Variants in DAW1 observed in about 807,000 individuals in gnomAD.
DAW1 encodes dynein assembly factor with WD repeat domains 1.
In DAW1, 47 loss-of-function variants were observed where a neutral mutation model predicts 56.5. That is an observed-to-expected ratio of 0.83 (90% CI 0.66 to 1.06). The LOEUF is 1.06. Among genes scored for constraint, DAW1 ranks in the 50% least tolerant of loss-of-function variants. The pLI, the probability that DAW1 is intolerant of heterozygous loss-of-function variation, is 0.00. For synonymous variants in DAW1, 190 were observed against 179.0 expected (o/e 1.06, Z -0.49); for missense variants, 505 against 499.3 (o/e 1.01, Z -0.11).
intron 10 of DAW1, among the ~76,000 whole-genome samples, chr2:227,913,580 A>T (rs965211412): frequency 1.3e-5 from 2 of 152,158 alleles, no homozygotes; most frequent in South Asian, 4.1e-4. Flanking sequence ...CTTGATATTC[A>T]TGTATAATGC....
chr2:227,892,468 C>T (rs1691288649), intron 4 of DAW1, among the ~76,000 whole-genome samples: 1 of 152,202 alleles, frequency 6.6e-6, no homozygotes, highest in Admixed American at 6.5e-5. Context: ...TCTGCAAGAT[C>T]TTATTTCCAA....
At chr2:227,909,748 C>T (rs936488677) in intron 10 of DAW1, among the ~76,000 whole-genome samples, 2 of 152,072 alleles carry the variant, frequency 1.3e-5, no homozygotes, top group African/African-American at 4.8e-5. Flanking sequence ...GATGGATGTC[C>T]CAGCTCCAGA....
intron 10 of DAW1, chr2:227,912,437 A>T: frequency 2.3e-6 from 3 of 1,304,796 alleles, no homozygotes; most frequent in Non-Finnish European, 3.0e-6. Context: ...GTGATGCTAA[A>T]CTATGCCTGT....
intron 6 of DAW1, among the ~76,000 whole-genome samples, chr2:227,900,164 G>A (rs1026974354): frequency 3.3e-5 from 5 of 152,286 alleles, no homozygotes; most frequent in East Asian, 1.9e-4. Flanking sequence ...GCAACCCTAA[G>A]AGGAAGGTAT....
chr2:227,875,257 C>G (rs534360486), intron 1 of DAW1, among the ~76,000 whole-genome samples: 160 of 152,334 alleles, frequency 1.1e-3, no homozygotes, highest in African/African-American at 3.5e-3. Flanking sequence ...TACCTGACCA[C>G]TACCATTCTT....
intron 1 of DAW1, among the ~76,000 whole-genome samples, chr2:227,883,042 G>A (rs745515387): frequency 2.3e-4 from 35 of 152,122 alleles, no homozygotes; most frequent in Non-Finnish European, 4.3e-4. Flanking sequence ...CTTGAATTAC[G>A]AGATGAACCA....
intron 10 of DAW1, among the ~76,000 whole-genome samples, chr2:227,908,957 G>C (rs1382185369): frequency 6.6e-6 from 1 of 152,118 alleles, no homozygotes; most frequent in Non-Finnish European, 1.5e-5. Context: ...CACCAAGTCT[G>C]TTATCTATCT....
intron 12 of DAW1, 25 bp from the exon 13 acceptor site, chr2:227,923,909 A>G (rs764978377): frequency 7.4e-6 from 12 of 1,612,918 alleles, no homozygotes; most frequent in Non-Finnish European, 1.0e-5. Context: ...AGAAAAAAAT[A>G]ACTGCATGAA....
At chr2:227,891,541 A>G (rs1051422240) in intron 4 of DAW1, among the ~76,000 whole-genome samples, 27 of 152,202 alleles carry the variant, frequency 1.8e-4, no homozygotes, top group African/African-American at 6.5e-4. Context: ...CAGCAAATGT[A>G]GCTACTGAAG....
At chr2:227,921,704 C>A in intron 12 of DAW1, 143 bp downstream of exon 12, 1 of 850,038 alleles carries the variant, frequency 1.2e-6, no homozygotes, top group Non-Finnish European at 1.7e-6. Flanking sequence ...CTCATATTTT[C>A]ATTATTTAAT....
At chr2:227,878,632 G>T (rs4972998) in intron 1 of DAW1, among the ~76,000 whole-genome samples, 73,454 of 151,922 alleles carry the variant, frequency 0.48, 17,972 homozygotes, top group Admixed American at 0.58. Flanking sequence ...TGAGGCAGAA[G>T]AATGGCATGG....
At chr2:227,895,137 G>A (rs16824170) in intron 5 of DAW1, among the ~76,000 whole-genome samples, 2,185 of 152,222 alleles carry the variant, frequency 0.014, 42 homozygotes, top group African/African-American at 0.05. Context: ...CTGCACGTAT[G>A]TTTAAGTTCT....
intron 11 of DAW1, among the ~76,000 whole-genome samples, chr2:227,919,512 C>T (rs1011948739): frequency 3.9e-5 from 6 of 152,104 alleles, no homozygotes; most frequent in East Asian, 1.9e-4. Context: ...TTATGTTGTG[C>T]GAAAAATATG....
intron 6 of DAW1, among the ~76,000 whole-genome samples, chr2:227,899,070 C>T (rs1463431731): frequency 1.3e-5 from 2 of 152,166 alleles, no homozygotes; most frequent in African/African-American, 4.8e-5. Context: ...TTGTCCTTGA[C>T]CAATTCTGAG....
Position 227,906,264 on chromosome 2 carries a change from G to A in DAW1, c.784G>A (p.Ala262Thr), listed in dbSNP as rs1488468497. The A allele has an allele frequency of 6.2e-7, 1 of 1,613,138 alleles. No individual in the cohort carries two copies. Among genetic ancestry groups the A allele is most frequent in the South Asian group, 1.1e-5 (1 of 90,932 alleles). ...GGTAAATATCTTAATTGGTCATTGT[G>A]CTGAGATTAGCAGTGCCTCATTCAA... ...RKVNILIGHC[A>T]EISSASFNWD... Residue 262 changes from alanine (A) to threonine (T), a missense_variant, in exon 9 of 13, where the codon GCT becomes ACT. Coordinates refer to ENST00000309931, the MANE Select transcript of DAW1 (RefSeq NM_178821.3).
At chr2:227,884,946 A>C (rs1440375273) in intron 1 of DAW1, among the ~76,000 whole-genome samples, 1 of 152,154 alleles carries the variant, frequency 6.6e-6, no homozygotes, top group East Asian at 1.9e-4. Flanking sequence ...CTGGGGGATC[A>C]GACTGCTTGC....
intron 6 of DAW1, among the ~76,000 whole-genome samples, chr2:227,899,126 C>T (rs2106200863): frequency 6.6e-6 from 1 of 152,264 alleles, no homozygotes; most frequent in South Asian, 2.1e-4. Flanking sequence ...TCCATAAGAA[C>T]AGATGATAGC....
chr2:227,918,436 G>A (rs1466863800), intron 10 of DAW1, among the ~76,000 whole-genome samples: 1 of 152,140 alleles, frequency 6.6e-6, no homozygotes, highest in East Asian at 1.9e-4. Context: ...TGCTGGTCTT[G>A]CTGCTTATTT....
At chr2:227,886,824 A>G (rs999561762) in intron 2 of DAW1, among the ~76,000 whole-genome samples, 3 of 151,724 alleles carry the variant, frequency 2.0e-5, no homozygotes, top group African/African-American at 7.3e-5. Context: ...TCCTACTTCA[A>G]GAGAGAGTCA....
Sources: allele counts gnomAD v4.1 joint callset (sites outside exome capture counted in the v4.1 genomes callset), GRCh38; gene constraint gnomAD v4.1.1; transcripts MANE v1.5; gene names NCBI Gene and HGNC (gene_info 2026-07-23, HGNC 2026-07-21).